DLGAP1: variants seen among roughly 807,000 people sequenced by gnomAD.
DLGAP1 encodes disks large-associated protein 1.
Under a neutral mutation model 90.8 loss-of-function variants are expected in DLGAP1, and 11 were observed. The observed-to-expected ratio is 0.12, with a 90% CI of 0.08 to 0.20. DLGAP1 has a LOEUF of 0.20. DLGAP1 is among the 10% of genes least tolerant of loss of function. The pLI, the probability that DLGAP1 is intolerant of heterozygous loss-of-function variation, is 1.00. For synonymous variants in DLGAP1, 558 were observed against 540.7 expected, an observed-to-expected ratio of 1.03 and a Z score of -0.44; for missense variants, 1,050 against 1,333.8, an observed-to-expected ratio of 0.79 and a Z score of 3.31.
intron 4 of DLGAP1, among the ~76,000 whole-genome samples, chr18:3,839,139 G>A (rs2148619645): frequency 6.6e-6 from 1 of 152,204 alleles, no homozygotes; most frequent in South Asian, 2.1e-4. Context: ...ACTGATCCTG[G>A]GATTCATGAA....
chr18:4,306,325 G>T (rs978745599), intron 1 of DLGAP1, among the ~76,000 whole-genome samples: 3 of 149,966 alleles, frequency 2.0e-5, no homozygotes, highest in Non-Finnish European at 3.0e-5. Context: ...GAAGAAGGAA[G>T]ACCCATGCTT....
chr18:3,675,966 TGA>T (rs2060283424), intron 7 of DLGAP1, among the ~76,000 whole-genome samples: 1 of 152,216 alleles, frequency 6.6e-6, no homozygotes, highest in African/African-American at 2.4e-5. Flanking sequence ...AGGCAGATAG[TGA>T]GGGTACGGAA....
Position 3,519,537 on chromosome 18 carries a change from C to G in DLGAP1, c.2480-10876G>C, listed in dbSNP as rs531878485. 2.0e-5 allele frequency among the ~76,000 whole-genome samples: 3 copies of G among 152,306 alleles called. No homozygotes were observed. In the East Asian group the frequency reaches 5.8e-4, roughly 29 times the overall value. ...AAATGGAGGGAATCAGGCATGAACA[C>G]TGCTGTGATTTGGATGATAGTGTCT... On this transcript the variant is annotated intron_variant, in intron 10 of 12. Transcript: ENST00000315677.
At position 3,621,098 on chromosome 18, in the gene DLGAP1, C is replaced by T. The variant is rs1472373137; in HGVS notation, c.1592-38850G>A. Among the ~76,000 whole-genome samples, 4 of 152,160 alleles carry T rather than the reference C, an allele frequency of 2.6e-5. No individual in the cohort carries two copies. In the East Asian group the frequency reaches 7.7e-4, roughly 29 times the overall value. Reference sequence around the variant, plus strand: ...GGTAATTCTGAGGCATGCTAAGGTTCACCTTAAAGATAAGTGACCTGGGGC... The same window carrying T: ...GGTAATTCTGAGGCATGCTAAGGTTTACCTTAAAGATAAGTGACCTGGGGC... On this transcript the variant is annotated intron_variant, in intron 7 of 12. Coordinates refer to ENST00000315677, the MANE Select transcript of DLGAP1 (RefSeq NM_004746.4).
At chr18:3,662,518 A>C (rs1357054484) in intron 7 of DLGAP1, among the ~76,000 whole-genome samples, 1 of 152,214 alleles carries the variant, frequency 6.6e-6, no homozygotes, top group South Asian at 2.1e-4. Context: ...ATTAGTGGAC[A>C]CATAATCAGC....
intron 7 of DLGAP1, among the ~76,000 whole-genome samples, chr18:3,609,585 T>G (rs1308327459): frequency 1.3e-5 from 2 of 152,158 alleles, no homozygotes; most frequent in African/African-American, 2.4e-5. Context: ...TTCCTGAGTT[T>G]CCTCATCTGT....
chr18:4,109,598 C>G (rs1012866669), intron 2 of DLGAP1, among the ~76,000 whole-genome samples: 1 of 152,004 alleles, frequency 6.6e-6, no homozygotes, highest in Non-Finnish European at 1.5e-5. Flanking sequence ...CTTGATGAAA[C>G]AATCACCAAA....
intron 1 of DLGAP1, among the ~76,000 whole-genome samples, chr18:4,337,721 T>C (rs1230247480): frequency 6.6e-6 from 1 of 152,184 alleles, no homozygotes; most frequent in South Asian, 2.1e-4. Flanking sequence ...TATAAAGTCA[T>C]AGTTTTCTCA....
intron 1 of DLGAP1, among the ~76,000 whole-genome samples, chr18:4,223,418 T>C (rs764339411): frequency 2.3e-4 from 35 of 152,202 alleles, no homozygotes; most frequent in Non-Finnish European, 2.9e-5. Flanking sequence ...TCTACAATTA[T>C]GTACCAAAAT....
At chr18:3,738,691 A>G (rs1208534033) in intron 6 of DLGAP1, among the ~76,000 whole-genome samples, 19 of 150,956 alleles carry the variant, frequency 1.3e-4, no homozygotes, top group African/African-American at 4.4e-4. Context: ...AACCTAGGCA[A>G]TACCATTCAG....
Position 4,187,180 on chromosome 18 carries a change from G to A in DLGAP1, c.-266-35893C>T, listed in dbSNP as rs542159888. On this transcript the variant is annotated intron_variant, in intron 1 of 12. Coordinates refer to ENST00000315677, the MANE Select transcript of DLGAP1 (RefSeq NM_004746.4). The stretch of plus-strand genomic sequence containing the variant: ...AAAAGTATGAAGTTTTCTACATATA[G>A]AACCATTTCATCGGCAAACAGAGAT... Among the ~76,000 whole-genome samples the A allele has an allele frequency of 7.0e-4, 107 of 152,210 alleles. No homozygotes were observed. In the South Asian group the frequency reaches 0.017, roughly 24 times the overall value.
chr18:4,087,331 A>G (rs7506389), intron 2 of DLGAP1, among the ~76,000 whole-genome samples: 90,038 of 151,358 alleles, frequency 0.59, 27,504 homozygotes, highest in Non-Finnish European at 0.64. Context: ...TGCCCACAAC[A>G]GGTTTACCAG....
chr18:4,111,900 T>C (rs927645969), intron 2 of DLGAP1, among the ~76,000 whole-genome samples: 2 of 151,480 alleles, frequency 1.3e-5, no homozygotes, highest in Non-Finnish European at 2.9e-5. Flanking sequence ...TTTTGTTTTA[T>C]TGATTTTTCT....
intron 9 of DLGAP1, among the ~76,000 whole-genome samples, chr18:3,550,203 C>A (rs1454476873): frequency 2.6e-5 from 4 of 151,922 alleles, no homozygotes; most frequent in African/African-American, 7.3e-5. Context: ...TGAGCCACCA[C>A]GCCCGGCCAG....
intron 1 of DLGAP1, among the ~76,000 whole-genome samples, chr18:4,440,557 T>C (rs1217142839): frequency 6.6e-6 from 1 of 152,086 alleles, no homozygotes; most frequent in Non-Finnish European, 1.5e-5. Context: ...CAATTAAACA[T>C]TCAAATTTGG....
At chr18:3,705,698 G>A (rs1307688477) in intron 7 of DLGAP1, among the ~76,000 whole-genome samples, 2 of 151,360 alleles carry the variant, frequency 1.3e-5, no homozygotes, top group African/African-American at 4.8e-5. Context: ...TTGCTCTGTT[G>A]CCCAGGCTGG....
At chr18:4,213,548 G>T (rs1341201376) in intron 1 of DLGAP1, among the ~76,000 whole-genome samples, 2 of 152,138 alleles carry the variant, frequency 1.3e-5, no homozygotes, top group Non-Finnish European at 2.9e-5. Context: ...AGAATAGCAG[G>T]TTTAACCTTG....
At chr18:3,625,355 G>A (rs1187037656) in intron 7 of DLGAP1, among the ~76,000 whole-genome samples, 1 of 152,178 alleles carries the variant, frequency 6.6e-6, no homozygotes, top group East Asian at 1.9e-4. Context: ...GGAAGCTAAT[G>A]GAGGGAAGGA....
At chr18:4,062,910 C>A (rs2075318361) in intron 2 of DLGAP1, among the ~76,000 whole-genome samples, 1 of 152,078 alleles carries the variant, frequency 6.6e-6, no homozygotes, top group South Asian at 2.1e-4. Flanking sequence ...GGCCATCAAG[C>A]TCCATATAAT....
Sources: gnomAD v4.1 joint callset for allele counts (sites outside exome capture counted in the v4.1 genomes callset) on GRCh38, gnomAD v4.1.1 for gene constraint, MANE v1.5 for transcripts, NCBI Gene and HGNC (gene_info 2026-07-23, HGNC 2026-07-21) for gene names.